GAS7: variants seen among roughly 807,000 people sequenced by gnomAD.
The protein encoded by GAS7 is growth arrest-specific protein 7.
Under a neutral mutation model 71.1 loss-of-function variants are expected in GAS7, and 28 were observed. The ratio of observed to expected loss-of-function variants is 0.39; its 90% CI spans 0.29 to 0.54. GAS7 has a LOEUF of 0.54. Ranked by LOEUF, GAS7 falls within the 20% of genes least tolerant of loss-of-function variation. The pLI is 0.62. For synonymous variants in GAS7, 258 were observed against 245.8 expected (o/e 1.05, Z -0.46); for missense variants, 436 against 627.8 (o/e 0.69, Z 3.27).
At chr17:10,183,975 G>C (rs1454536187) in intron 1 of GAS7, among the ~76,000 whole-genome samples, 1 of 152,108 alleles carries the variant, frequency 6.6e-6, no homozygotes, top group Non-Finnish European at 1.5e-5. Flanking sequence ...GGGGTTTCTG[G>C]CCGACCCTTG....
rs995663618 is a variant in GAS7, at chr17:10,057,512, G to A, written c.184-37615C>T. Among the ~76,000 whole-genome samples the A allele has an allele frequency of 3.6e-4, 55 of 151,254 alleles. 1 individual carries two copies. The highest frequency in any genetic ancestry group is 1.0e-3 in the African/African-American group (43 of 41,170). On this transcript the variant is annotated intron_variant, in intron 1 of 13. Transcript: ENST00000432992. ...CATCTGAGAAGTGAGGAGCCCCTCC[G>A]CCCGGCAGCCGCCCCATCTGGGAAG...
intron 1 of GAS7, among the ~76,000 whole-genome samples, chr17:10,175,477 C>T (rs766733678): frequency 1.1e-4 from 16 of 152,134 alleles, no homozygotes; most frequent in Non-Finnish European, 2.1e-4. Flanking sequence ...TACAAACAGC[C>T]GTCTTCTCCC....
At chr17:9,924,840 G>T (rs1435839501) in intron 11 of GAS7, 4 of 152,154 alleles carry the variant, frequency 2.6e-5, no homozygotes, top group Admixed American at 6.5e-5. Context: ...GCTTCCCTTA[G>T]ATCTAGTTAC....
chr17:10,058,796 C>T (rs2073182820), intron 1 of GAS7, among the ~76,000 whole-genome samples: 1 of 152,198 alleles, frequency 6.6e-6, no homozygotes, highest in African/African-American at 2.4e-5. Context: ...ATATTTAGCA[C>T]ATCTTGAGGT....
intron 2 of GAS7, among the ~76,000 whole-genome samples, chr17:10,018,667 A>G (rs2072136307): frequency 6.6e-6 from 1 of 152,178 alleles, no homozygotes; most frequent in Non-Finnish European, 1.5e-5. Context: ...AGGGGATACG[A>G]ATAAACCAGC....
intron 3 of GAS7, among the ~76,000 whole-genome samples, chr17:9,979,934 G>A (rs79766547): frequency 2.0e-5 from 3 of 151,570 alleles, no homozygotes; most frequent in Admixed American, 6.6e-5. Context: ...GCTGTCACAC[G>A]GCAGCTACAG....
In GAS7 at chr17:10,026,181, G is replaced by A. The variant is rs552757327; in HGVS notation, c.184-6284C>T. 4.4e-5 allele frequency: 43 copies of A among 985,308 alleles called. No individual in the cohort carries two copies. In the South Asian group the frequency reaches 1.4e-3, roughly 31 times the overall value. The allele number at this position is 985,308 out of a possible 1,614,324, so 61.0% of individuals were successfully genotyped here. A position where few individuals can be genotyped will look rare whatever the true frequency, so the allele number is the denominator to read the frequency against. Reference sequence around the variant, plus strand: ...CTAAAGCCGTGAGCAAACGCTACTCGCTGGTGTTAATGGGTGGTCGTCAGA... The same window carrying A: ...CTAAAGCCGTGAGCAAACGCTACTCACTGGTGTTAATGGGTGGTCGTCAGA... On this transcript the variant is annotated intron_variant, in intron 1 of 13. Coordinates refer to ENST00000432992, the MANE Select transcript of GAS7 (RefSeq NM_201433.2). This position sits in a 1 kb window ranked among gnomAD's most constrained non-coding sequence, Gnocchi z 4.5.
chr17:10,115,273 C>A (rs1043538341), intron 1 of GAS7, among the ~76,000 whole-genome samples: 1 of 152,188 alleles, frequency 6.6e-6, no homozygotes. Flanking sequence ...GAGGGAAGGA[C>A]CAGGGACGGA....
At chr17:10,075,130 G>A (rs1181590579) in intron 1 of GAS7, among the ~76,000 whole-genome samples, 2 of 152,026 alleles carry the variant, frequency 1.3e-5, no homozygotes, top group Non-Finnish European at 2.9e-5. Context: ...GGCTGAGGTG[G>A]GCAAATCACG....
intron 9 of GAS7, among the ~76,000 whole-genome samples, chr17:9,932,101 CCTG>C (rs1378404547): frequency 6.6e-6 from 1 of 151,996 alleles, no homozygotes; most frequent in African/African-American, 2.4e-5. Flanking sequence ...GGCACTTTAC[CCTG>C]CTGTGTCTGA....
At chr17:9,918,128 C>T (rs1412152058) in intron 12 of GAS7, 29 bp from the exon 13 acceptor site, 6 of 1,531,970 alleles carry the variant, frequency 3.9e-6, no homozygotes, top group Middle Eastern at 1.7e-4. Flanking sequence ...CCAGAGAACT[C>T]TGAGCACGTC....
At chr17:10,078,426 G>T (rs144430193) in intron 1 of GAS7, among the ~76,000 whole-genome samples, 3 of 152,252 alleles carry the variant, frequency 2.0e-5, no homozygotes, top group Non-Finnish European at 2.9e-5. Flanking sequence ...GAAGAGAGAA[G>T]AATTGGTGCA....
chr17:9,952,820 G>T (rs1317983207), intron 5 of GAS7, among the ~76,000 whole-genome samples: 1 of 152,110 alleles, frequency 6.6e-6, no homozygotes, highest in Non-Finnish European at 1.5e-5. Flanking sequence ...AATCAGAATG[G>T]CTATAATTAA....
intron 2 of GAS7, among the ~76,000 whole-genome samples, chr17:10,016,602 C>CAAAAAAA (rs1158379710): frequency 3.3e-4 from 28 of 84,700 alleles, no homozygotes; most frequent in South Asian, 9.1e-4. Context: ...CTGTCTCTAC[C>CAAAAAAA]AAAAAAAAAA....
chr17:10,171,994 G>A (rs2074338173), intron 1 of GAS7, among the ~76,000 whole-genome samples: 1 of 152,176 alleles, frequency 6.6e-6, no homozygotes, highest in African/African-American at 2.4e-5. Context: ...GAAGCTTCAA[G>A]TTCAGCTGGG....
chr17:10,126,463 CA>C lies in GAS7; in HGVS notation c.183+71744del, dbSNP rs538983061. ...ACACACGCGCGCGCGCACACGCACT[CA>C]TGCACACACGCACACTCACACCCAC... On this transcript the variant is annotated intron_variant, in intron 1 of 13. Transcript: ENST00000432992. Among the ~76,000 whole-genome samples, 23 of 151,404 alleles carry C rather than the reference CA, an allele frequency of 1.5e-4. No individual in the cohort carries two copies. In the East Asian group the frequency reaches 4.3e-3, roughly 28 times the overall value.
intron 2 of GAS7, among the ~76,000 whole-genome samples, chr17:10,001,720 T>C (rs182348721): frequency 2.0e-5 from 3 of 152,328 alleles, no homozygotes; most frequent in Admixed American, 2.0e-4. Context: ...AAGTCCTCTC[T>C]GGTATGGTTC....
intron 1 of GAS7, among the ~76,000 whole-genome samples, chr17:10,082,335 G>A (rs551930716): frequency 6.6e-6 from 1 of 152,296 alleles, no homozygotes; most frequent in Admixed American, 6.5e-5. Context: ...CAAATAATGT[G>A]TTATTTCTGA....
In GAS7 at chr17:9,943,127, CG is replaced by C; in HGVS notation, c.724del (p.Arg242GlyfsTer4). ...GGAGGGGCCCAGGCTTCACCTTTCC[CG>C]GATGAATTCTGACATTTCCTTCTGC... ...QMQKEMSEFI[R>X]ERIKIEEDYA... On this transcript the variant is annotated frameshift_variant, in exon 7 of 14. Coordinates refer to ENST00000432992, the MANE Select transcript of GAS7 (RefSeq NM_201433.2). LOFTEE classifies it high-confidence loss of function. 1 of 1,603,230 alleles carries C rather than the reference CG, an allele frequency of 6.2e-7. No homozygotes were observed. The highest frequency in any genetic ancestry group is 1.1e-5 in the South Asian group (1 of 90,848).
Sources: gnomAD v4.1 joint callset for allele counts (sites outside exome capture counted in the v4.1 genomes callset) on GRCh38, gnomAD v4.1.1 for gene constraint, Gnocchi (gnomAD v3.1) non-coding constraint, MANE v1.5 for transcripts, NCBI Gene and HGNC (gene_info 2026-07-23, HGNC 2026-07-21) for gene names.